Variants in SLC4A8 observed in about 807,000 individuals in gnomAD.
SLC4A8 encodes electroneutral sodium bicarbonate exchanger 1.
In SLC4A8, 40 loss-of-function variants were observed where a neutral mutation model predicts 125.0. The observed-to-expected ratio is 0.32, with a 90% CI of 0.25 to 0.42. The LOEUF is 0.42. Among genes scored for constraint, SLC4A8 ranks in the 10% least tolerant of loss-of-function variants. The probability of loss-of-function intolerance (pLI) is 1.00; values close to 1 mark genes in which losing one functional copy is unlikely to be tolerated. For missense variants in SLC4A8, 863 were observed against 1,355.1 expected, an observed-to-expected ratio of 0.64 and a Z score of 5.70; for synonymous variants, 456 against 476.0, an observed-to-expected ratio of 0.96 and a Z score of 0.55.
chr12:51,414,354 A>G (rs984753844), intron 1 of SLC4A8, among the ~76,000 whole-genome samples: 17 of 152,140 alleles, frequency 1.1e-4, no homozygotes, highest in African/African-American at 3.9e-4. Context: ...ATATAAGTTC[A>G]TGTCATCTGC....
chr12:51,470,284 C>T, intron 12 of SLC4A8, 108 bp from the exon 13 acceptor site: 1 of 945,348 alleles, frequency 1.1e-6, no homozygotes, highest in Non-Finnish European at 1.7e-6. Context: ...GAAATACAAG[C>T]AAATGGCCAT....
At chr12:51,464,013 C>T (rs1289540319) in intron 11 of SLC4A8, among the ~76,000 whole-genome samples, 1 of 152,150 alleles carries the variant, frequency 6.6e-6, no homozygotes, top group African/African-American at 2.4e-5. Context: ...TCCTACGTAC[C>T]CTTAGTCTCG....
At chr12:51,416,641 TCAAAA>T (rs201716830) in intron 1 of SLC4A8, among the ~76,000 whole-genome samples, 7 of 151,968 alleles carry the variant, frequency 4.6e-5, no homozygotes, top group South Asian at 4.1e-4. Flanking sequence ...AGACTCTGTC[TCAAAA>T]CAAAACAAAA....
chr12:51,461,610 A>G (rs572769115), intron 9 of SLC4A8: 1 of 240,254 alleles, frequency 4.2e-6, no homozygotes, highest in Admixed American at 5.0e-5. Context: ...ATGGTTAATT[A>G]AATACATTCA....
chr12:51,484,866 T>G (rs1951122886), intron 16 of SLC4A8, among the ~76,000 whole-genome samples: 1 of 151,916 alleles, frequency 6.6e-6, no homozygotes, highest in African/African-American at 2.4e-5. Flanking sequence ...AGGTGGCCAA[T>G]TTTAAGTGGT....
intron 21 of SLC4A8, 139 bp from the exon 22 acceptor site, chr12:51,496,848 T>A: frequency 1.3e-6 from 1 of 770,326 alleles, no homozygotes; most frequent in Non-Finnish European, 2.1e-6. Flanking sequence ...AAGCATTCAA[T>A]AAATGGTGAC....
intron 1 of SLC4A8, among the ~76,000 whole-genome samples, chr12:51,426,192 T>C (rs1483943732): frequency 1.8e-4 from 27 of 152,246 alleles, no homozygotes; most frequent in Non-Finnish European, 2.9e-5. Context: ...GACTCTCTCC[T>C]CTTCTTCCTG....
At chr12:51,422,260 G>A (rs1948805316), upstream of SLC4A8, 1 of 152,224 alleles carries the variant, frequency 6.6e-6, no homozygotes, top group South Asian at 2.1e-4. Flanking sequence ...GTTCTGGTGT[G>A]TGGAAGTTTT....
chr12:51,462,147 CT>C (rs1178477685), intron 9 of SLC4A8, 162 bp from the exon 10 acceptor site: 1 of 630,276 alleles, frequency 1.6e-6, no homozygotes, highest in Non-Finnish European at 2.8e-6. Flanking sequence ...TTTTTAAATC[CT>C]TTTATCCTTG....
intron 22 of SLC4A8, among the ~76,000 whole-genome samples, chr12:51,499,820 G>A (rs1305532688): frequency 6.6e-6 from 1 of 152,084 alleles, no homozygotes; most frequent in Admixed American, 6.5e-5. Context: ...ACATTCCAGG[G>A]CAGGGGTACA....
At chr12:51,501,127 C>T (rs1018541191) in intron 22 of SLC4A8, among the ~76,000 whole-genome samples, 1 of 152,152 alleles carries the variant, frequency 6.6e-6, no homozygotes, top group Middle Eastern at 3.2e-3. Flanking sequence ...CCGTGCCCGG[C>T]CAGATTATTT....
chr12:51,424,724 T>TC, upstream of SLC4A8: 1 of 454,202 alleles, frequency 2.2e-6, no homozygotes, highest in African/African-American at 2.1e-5. Flanking sequence ...CCCCGGCTCC[T>TC]CCCCCTCCCC....
chr12:51,425,451 G>A (rs1948939537), intron 1 of SLC4A8: 1 of 1,001,996 alleles, frequency 1.0e-6, no homozygotes, highest in Non-Finnish European at 1.2e-6. Context: ...TTATTTCTGG[G>A]GGTTTCTGGT....
intron 1 of SLC4A8, among the ~76,000 whole-genome samples, chr12:51,417,676 C>T (rs1948712489): frequency 6.6e-6 from 1 of 152,202 alleles, no homozygotes; most frequent in Non-Finnish European, 1.5e-5. Context: ...CGCCACCACA[C>T]CCAGCTAATT....
chr12:51,443,407 A>G (rs867786251), intron 2 of SLC4A8, among the ~76,000 whole-genome samples: 43 of 152,280 alleles, frequency 2.8e-4, no homozygotes, highest in African/African-American at 1.0e-3. Context: ...GCATTAAGCC[A>G]TTATGTTGCT....
intron 8 of SLC4A8, among the ~76,000 whole-genome samples, 197 bp downstream of exon 8, chr12:51,460,305 G>A (rs1173522160): frequency 6.6e-6 from 1 of 152,132 alleles, no homozygotes; most frequent in Non-Finnish European, 1.5e-5. Context: ...GGGATTACTT[G>A]AGCCCAGGAG....
At chr12:51,489,672 T>C in intron 18 of SLC4A8, 28 bp from the exon 19 acceptor site, 1 of 1,613,412 alleles carries the variant, frequency 6.2e-7, no homozygotes, top group Non-Finnish European at 8.5e-7. Flanking sequence ...AGCCTACTGA[T>C]GGTGACAAAG....
At chr12:51,401,949 G>A (rs1004813447) in intron 1 of SLC4A8, among the ~76,000 whole-genome samples, 3 of 139,490 alleles carry the variant, frequency 2.2e-5, no homozygotes, top group African/African-American at 7.5e-5. Context: ...ATTTTTTTTT[G>A]TAGAGATGGG....
chr12:51,441,073 A>G lies in SLC4A8; in HGVS notation c.130+284A>G, dbSNP rs2138129206. 3 of 1,093,072 alleles carry G rather than the reference A, an allele frequency of 2.7e-6. No individual in the cohort carries two copies. The East Asian group carries it at 1.9e-4, about 68-fold the overall frequency. 67.7% of individuals were successfully genotyped at this position (1,093,072 alleles called of 1,614,324 possible). A position where few individuals can be genotyped will look rare whatever the true frequency, so the allele number is the denominator to read the frequency against. ...ATTAACAAGTAACCTGTTCTTTGAGAATGTGATGTACTCAGTTCAGTGCGT... is the reference window on the plus strand; with the variant it reads ...ATTAACAAGTAACCTGTTCTTTGAGGATGTGATGTACTCAGTTCAGTGCGT... On this transcript the variant is annotated intron_variant, in intron 2 of 24. Transcript: ENST00000453097.
Sources: gnomAD v4.1 joint callset for allele counts (sites outside exome capture counted in the v4.1 genomes callset) on GRCh38, gnomAD v4.1.1 for gene constraint, MANE v1.5 for transcripts, NCBI Gene and HGNC (gene_info 2026-07-23, HGNC 2026-07-21) for gene names.